ASCC3: variants seen among roughly 807,000 people sequenced by gnomAD.
ASCC3 encodes the protein activating signal cointegrator 1 complex subunit 3.
A neutral mutation model predicts 256.3 loss-of-function variants in ASCC3; 158 were observed. That is an observed-to-expected ratio of 0.62 (90% CI 0.54 to 0.70). The LOEUF (loss-of-function observed/expected upper bound fraction) is 0.70. ASCC3 is among the 30% of genes least tolerant of loss of function. The pLI is 0.00. For synonymous variants in ASCC3, 948 were observed against 883.4 expected (o/e 1.07, Z -1.30); for missense variants, 2,259 against 2,626.0 (o/e 0.86, Z 3.05).
chr6:100,693,317 C>T (rs1777924422), intron 13 of ASCC3, among the ~76,000 whole-genome samples: 1 of 151,532 alleles, frequency 6.6e-6, no homozygotes, highest in East Asian at 1.9e-4. Context: ...TGAGAATCTC[C>T]ATATGCAAGG....
chr6:100,571,686 T>C (rs1011856528), intron 36 of ASCC3, among the ~76,000 whole-genome samples: 1 of 152,340 alleles, frequency 6.6e-6, no homozygotes. Flanking sequence ...GTAAGTACCA[T>C]TGTCCAAGGT....
chr6:100,641,606 C>T (rs570061589), intron 24 of ASCC3, among the ~76,000 whole-genome samples: 61 of 152,218 alleles, frequency 4.0e-4, no homozygotes, highest in South Asian at 2.3e-3. Context: ...GTCAGTGTGG[C>T]GATTCCTCAG....
At chr6:100,630,483 T>G (rs1211881389) in intron 26 of ASCC3, among the ~76,000 whole-genome samples, 3 of 143,522 alleles carry the variant, frequency 2.1e-5, no homozygotes, top group East Asian at 4.0e-4. Flanking sequence ...TTTTTTTTTG[T>G]TTTTTTTTTT....
At chr6:100,716,118 C>T (rs193060565) in intron 12 of ASCC3, among the ~76,000 whole-genome samples, 67 of 151,854 alleles carry the variant, frequency 4.4e-4, no homozygotes, top group Non-Finnish European at 7.2e-4. Flanking sequence ...GAAAGGGTCT[C>T]TAAGTATTTA....
chr6:100,810,573 A>G (rs750864413), intron 4 of ASCC3, among the ~76,000 whole-genome samples: 2 of 152,190 alleles, frequency 1.3e-5, no homozygotes, highest in Non-Finnish European at 2.9e-5. Flanking sequence ...CATTAGAAGC[A>G]TATGTTTTGT....
intron 4 of ASCC3, among the ~76,000 whole-genome samples, chr6:100,822,656 A>G (rs1771109441): frequency 6.6e-6 from 1 of 152,170 alleles, no homozygotes; most frequent in Non-Finnish European, 1.5e-5. Context: ...GTACTAAAGA[A>G]CCTTGAAAAT....
chr6:100,544,383 G>A (rs548066274), intron 36 of ASCC3, among the ~76,000 whole-genome samples: 26 of 151,942 alleles, frequency 1.7e-4, no homozygotes, highest in African/African-American at 5.8e-4. Context: ...ACCAAAAGCC[G>A]GTTCTTTAAG....
At chr6:100,825,506 C>A (rs1354090836) in intron 4 of ASCC3, among the ~76,000 whole-genome samples, 2 of 152,150 alleles carry the variant, frequency 1.3e-5, no homozygotes, top group African/African-American at 4.8e-5. Flanking sequence ...TTGTGGGTAA[C>A]CCCACCTTTC....
At chr6:100,784,726 T>C (rs1782610712) in intron 8 of ASCC3, among the ~76,000 whole-genome samples, 1 of 151,750 alleles carries the variant, frequency 6.6e-6, no homozygotes, top group Non-Finnish European at 1.5e-5. Context: ...CTTTCTATTT[T>C]ATATTATAAA....
At chr6:100,614,878 T>C (rs374327359) in intron 30 of ASCC3, among the ~76,000 whole-genome samples, 1 of 152,220 alleles carries the variant, frequency 6.6e-6, no homozygotes, top group East Asian at 1.9e-4. Context: ...TGCCTAAAAA[T>C]GAAGAATGTC....
chr6:100,798,292 C>T (rs913174926), intron 8 of ASCC3, among the ~76,000 whole-genome samples: 3 of 151,954 alleles, frequency 2.0e-5, no homozygotes, highest in African/African-American at 4.8e-5. Flanking sequence ...CACAGGCAAA[C>T]ATTATTCAAA....
At chr6:100,695,668 T>C (rs553327348) in intron 13 of ASCC3, among the ~76,000 whole-genome samples, 10 of 152,266 alleles carry the variant, frequency 6.6e-5, no homozygotes, top group South Asian at 4.1e-4. Context: ...CTGGTAACCA[T>C]AGTAAAAGAT....
chr6:100,600,998 C>T (rs1562154103), intron 34 of ASCC3, among the ~76,000 whole-genome samples: 1 of 152,086 alleles, frequency 6.6e-6, no homozygotes, highest in Non-Finnish European at 1.5e-5. Flanking sequence ...TCTTGTCTCC[C>T]TTCTCCTTAG....
chr6:100,568,866 T>C (rs1203438210), intron 36 of ASCC3, among the ~76,000 whole-genome samples: 1 of 151,264 alleles, frequency 6.6e-6, no homozygotes, highest in Non-Finnish European at 1.5e-5. Flanking sequence ...CAAGCTCCTC[T>C]TCCCAGGTTC....
chr6:100,509,744 C>T (rs568913807), intron 41 of ASCC3, among the ~76,000 whole-genome samples, 188 bp downstream of exon 41: 3 of 152,134 alleles, frequency 2.0e-5, no homozygotes, highest in South Asian at 4.1e-4. Context: ...AAAAATTAGC[C>T]GGGCGCAGTG....
rs1326382322 is a variant in ASCC3 at position 100,750,863 on chromosome 6, G to C, written c.1737+15702C>G. On this transcript the variant is annotated intron_variant, in intron 10 of 41. Transcript: ENST00000369162. ...ACCACTCAAGTGTGTAGAAATGTCA[G>C]TGGATATCAAAGTCACTCCAGAATT... Among the ~76,000 whole-genome samples the C allele has an allele frequency of 2.0e-5, 3 of 152,124 alleles. No homozygotes were observed. In the East Asian group the frequency reaches 5.8e-4, roughly 29 times the overall value.
chr6:100,612,462 A>G (rs1490673366), intron 30 of ASCC3, among the ~76,000 whole-genome samples: 1 of 152,090 alleles, frequency 6.6e-6, no homozygotes, highest in Non-Finnish European at 1.5e-5. Flanking sequence ...ACTCTTTTCA[A>G]AGCATGTCAG....
chr6:100,591,884 T>A (rs1191612872), intron 34 of ASCC3, among the ~76,000 whole-genome samples: 1 of 151,962 alleles, frequency 6.6e-6, no homozygotes, highest in Non-Finnish European at 1.5e-5. Context: ...CACTTACAAA[T>A]AATATTTAAA....
At chr6:100,605,116 G>GA (rs1772815355) in intron 33 of ASCC3, among the ~76,000 whole-genome samples, 1 of 152,188 alleles carries the variant, frequency 6.6e-6, no homozygotes, top group East Asian at 1.9e-4. Flanking sequence ...ACTGTACTAT[G>GA]AAAACCCTCA....
Sources: allele counts gnomAD v4.1 joint callset (sites outside exome capture counted in the v4.1 genomes callset), GRCh38; gene constraint gnomAD v4.1.1; transcripts MANE v1.5; gene names NCBI Gene and HGNC (gene_info 2026-07-23, HGNC 2026-07-21).